GREM1: variants seen among roughly 807,000 people sequenced by gnomAD.
GREM1 encodes the protein gremlin-1.
GREM1 carries 6 observed loss-of-function variants against 13.1 expected under a neutral mutation model. That is an observed-to-expected ratio of 0.46 (90% CI 0.25 to 0.91). The LOEUF is 0.91. Among genes scored for constraint, GREM1 ranks in the 40% least tolerant of loss-of-function variants. The pLI, the probability that GREM1 is intolerant of heterozygous loss-of-function variation, is 0.18. For missense variants in GREM1, 185 were observed against 233.9 expected (o/e 0.79, Z 1.36); for synonymous variants, 98 against 93.7 (o/e 1.05, Z -0.27).
chr15:32,731,271 T>C lies in GREM1; in HGVS notation c.*26T>C, dbSNP rs751395218. ...GCCAAATCCAGGTGCACCCAGCATG[T>C]CCTAGGAATGCAGCCCCAGGAAGTC... On this transcript the variant is annotated 3_prime_UTR_variant, in exon 2 of 2. Coordinates refer to ENST00000651154, the MANE Select transcript of GREM1 (RefSeq NM_013372.7). 1.3e-6 allele frequency: 2 copies of C among 1,577,340 alleles called. No homozygotes were observed. The highest frequency in any genetic ancestry group is 1.7e-5 in the Admixed American group (1 of 58,928).
intron 1 of GREM1, among the ~76,000 whole-genome samples, chr15:32,727,483 A>G (rs1454055270): frequency 2.6e-5 from 4 of 152,232 alleles, no homozygotes. Flanking sequence ...CTAGGTATTG[A>G]TGAAACATAT....
chr15:32,730,008 G>A (rs1008344339), intron 1 of GREM1, among the ~76,000 whole-genome samples: 1 of 152,172 alleles, frequency 6.6e-6, no homozygotes, highest in African/African-American at 2.4e-5. Flanking sequence ...CATTGACATC[G>A]AGTTGGATCT....
chr15:32,730,486 A>T (rs1436602150), intron 1 of GREM1, among the ~76,000 whole-genome samples: 1 of 152,056 alleles, frequency 6.6e-6, no homozygotes, highest in Non-Finnish European at 1.5e-5. Context: ...TCACTGTGGG[A>T]CTCTGGGTGA....
chr15:32,720,140 CT>C (rs1313240364), intron 1 of GREM1, among the ~76,000 whole-genome samples: 1 of 151,922 alleles, frequency 6.6e-6, no homozygotes, highest in Non-Finnish European at 1.5e-5. Flanking sequence ...GAATTAGAGT[CT>C]TTTGTAAACT....
rs1488173583 is a variant in GREM1, at chr15:32,718,027, G to C, written c.-136G>C. 2.7e-6 allele frequency: 3 copies of C among 1,096,508 alleles called. No individual in the cohort carries two copies. Among genetic ancestry groups the C allele is most frequent in the African/African-American group, 1.6e-5 (1 of 60,694 alleles). The allele number at this position is 1,096,508 out of a possible 1,614,324, so 67.9% of individuals were successfully genotyped here. On this transcript the variant is annotated 5_prime_UTR_variant, in exon 1 of 2. Transcript: ENST00000651154. ...GCACTCGGTGCGCCTTCCGCGGACCGGGCGACCCAGTGCACGGCCGCCGCG... is the reference window on the plus strand; with the variant it reads ...GCACTCGGTGCGCCTTCCGCGGACCCGGCGACCCAGTGCACGGCCGCCGCG...
rs2055774810 is a variant in GREM1 at position 32,742,993 on chromosome 15, T to C, written c.*11748T>C. 6.6e-6 allele frequency: 1 copy of C among 151,970 alleles called. No homozygotes were observed. Among genetic ancestry groups the C allele is most frequent in the South Asian group, 2.1e-4 (1 of 4,826 alleles). The allele number at this position is 151,970 out of a possible 1,614,324, so 9.4% of individuals were successfully genotyped here. A position where few individuals can be genotyped will look rare whatever the true frequency, so the allele number is the denominator to read the frequency against. On this transcript the variant is annotated 3_prime_UTR_variant, in exon 2 of 2. Transcript: ENST00000651154. Reference sequence around the variant, plus strand: ...TACATAACAACAAAAGCACAGGTAATAAAAACAAAAATAGACAAATGGGAC... The same window carrying C: ...TACATAACAACAAAAGCACAGGTAACAAAAACAAAAATAGACAAATGGGAC...
chr15:32,733,685 A>ATTTTTATATGAGTCAC lies in GREM1; in HGVS notation c.*2444_*2445insTATATGAGTCACTTTT, dbSNP rs1477775919. On this transcript the variant is annotated 3_prime_UTR_variant, in exon 2 of 2. Coordinates refer to ENST00000651154, the MANE Select transcript of GREM1 (RefSeq NM_013372.7). ...ATTGAAAATGCCATATCTATACCAT[A>ATTTTTATATGAGTCAC]TTTTATTCGAGTCACTGATGATGTA... 1 of 226,544 alleles carries ATTTTTATATGAGTCAC rather than the reference A, an allele frequency of 4.4e-6. No individual in the cohort carries two copies. 14.0% of individuals were successfully genotyped at this position (226,544 alleles called of 1,614,324 possible). A position where few individuals can be genotyped will look rare whatever the true frequency, so the allele number is the denominator to read the frequency against.
In GREM1 at chr15:32,736,129, T is replaced by C. The variant is rs1268278835; in HGVS notation, c.*4884T>C. 1.3e-5 allele frequency: 2 copies of C among 152,166 alleles called. No individual in the cohort carries two copies. The highest frequency in any genetic ancestry group is 2.9e-5 in the Non-Finnish European group (2 of 68,024). 9.4% of individuals were successfully genotyped at this position (152,166 alleles called of 1,614,324 possible). A position where few individuals can be genotyped will look rare whatever the true frequency, so the allele number is the denominator to read the frequency against. On this transcript the variant is annotated 3_prime_UTR_variant, in exon 2 of 2. Coordinates refer to ENST00000651154, the MANE Select transcript of GREM1 (RefSeq NM_013372.7). Reference sequence around the variant, plus strand: ...TGGAGTTCTTTCAAAGTCCCATTCCTAGACAATTGTCACTATTTGACCTGT... The same window carrying C: ...TGGAGTTCTTTCAAAGTCCCATTCCCAGACAATTGTCACTATTTGACCTGT...
At position 32,733,617 on chromosome 15, in the gene GREM1, C is replaced by G. The variant is rs992799596; in HGVS notation, c.*2372C>G. 21 of 228,796 alleles carry G rather than the reference C, an allele frequency of 9.2e-5. No homozygotes were observed. Among genetic ancestry groups the G allele is most frequent in the African/African-American group, 4.5e-4 (20 of 44,328 alleles). 14.2% of individuals were successfully genotyped at this position (228,796 alleles called of 1,614,324 possible). On this transcript the variant is annotated 3_prime_UTR_variant, in exon 2 of 2. Coordinates refer to ENST00000651154, the MANE Select transcript of GREM1 (RefSeq NM_013372.7). Reference sequence around the variant, plus strand: ...GAAATATCTGTTCTTCTTACTGTGCCTATATTAAGACTAGTACAAATGTGG... The same window carrying G: ...GAAATATCTGTTCTTCTTACTGTGCGTATATTAAGACTAGTACAAATGTGG...
Position 32,744,643 on chromosome 15 carries a change from C to T in GREM1, c.*13398C>T, listed in dbSNP as rs994611401. ...CTTTTAATCTAGTGAATTCATAAAT[C>T]GTCACTTAACTCAAGCAAAACAATG... is the stretch of plus-strand genomic sequence containing the variant. On this transcript the variant is annotated 3_prime_UTR_variant, in exon 2 of 2. Transcript: ENST00000651154. The T allele has an allele frequency of 1.3e-5, 2 of 150,702 alleles. No homozygotes were observed. Among genetic ancestry groups the T allele is most frequent in the South Asian group, 2.1e-4 (1 of 4,722 alleles). The allele number at this position is 150,702 out of a possible 1,614,324, so 9.3% of individuals were successfully genotyped here.
intron 1 of GREM1, chr15:32,718,547 G>A (rs778431433): frequency 3.1e-5 from 14 of 444,776 alleles, no homozygotes; most frequent in South Asian, 2.2e-4. Flanking sequence ...ATCCGGACCT[G>A]CTAGTCGGCC....
chr15:32,735,055 A>ACCTTT lies in GREM1; in HGVS notation c.*3810_*3811insCCTTT, dbSNP rs2055680173. ...GTAGAAGGAAAAGCTTCCTAGTGGT[A>ACCTTT]AGAGTGATTGGCAATACCATGAGGT... is the stretch of plus-strand genomic sequence containing the variant. On this transcript the variant is annotated 3_prime_UTR_variant, in exon 2 of 2. Coordinates refer to ENST00000651154, the MANE Select transcript of GREM1 (RefSeq NM_013372.7). The ACCTTT allele has an allele frequency of 1.3e-5, 2 of 152,346 alleles. No homozygotes were observed. The highest frequency in any genetic ancestry group is 1.3e-4 in the Admixed American group (2 of 15,302). 9.4% of individuals were successfully genotyped at this position (152,346 alleles called of 1,614,324 possible).
Position 32,734,005 on chromosome 15 carries a change from T to G in GREM1, c.*2760T>G, listed in dbSNP as rs1188965576. ...ATGGTTATTTAATGTAATTATTACT[T>G]CAAATCCTTTGGTCACTGTGATTTC... On this transcript the variant is annotated 3_prime_UTR_variant, in exon 2 of 2. Coordinates refer to ENST00000651154, the MANE Select transcript of GREM1 (RefSeq NM_013372.7). 1 of 241,852 alleles carries G rather than the reference T, an allele frequency of 4.1e-6. No individual in the cohort carries two copies. Among genetic ancestry groups the G allele is most frequent in the East Asian group, 6.4e-5 (1 of 15,638 alleles). The allele number at this position is 241,852 out of a possible 1,614,324, so 15.0% of individuals were successfully genotyped here. A position where few individuals can be genotyped will look rare whatever the true frequency, so the allele number is the denominator to read the frequency against.
At position 32,742,910 on chromosome 15, in the gene GREM1, T is replaced by C. The variant is rs1481295132; in HGVS notation, c.*11665T>C. 1 of 152,210 alleles carries C rather than the reference T, an allele frequency of 6.6e-6. No homozygotes were observed. The highest frequency in any genetic ancestry group is 1.5e-5 in the Non-Finnish European group (1 of 68,034). 9.4% of individuals were successfully genotyped at this position (152,210 alleles called of 1,614,324 possible). A position where few individuals can be genotyped will look rare whatever the true frequency, so the allele number is the denominator to read the frequency against. ...AATGTAAGACTTGAAACAGTAAAAC[T>C]CCTAGAAGTAAACAGAAGAGAAAGT... On this transcript the variant is annotated 3_prime_UTR_variant, in exon 2 of 2. Coordinates refer to ENST00000651154, the MANE Select transcript of GREM1 (RefSeq NM_013372.7).
chr15:32,728,965 A>G (rs1210482227), intron 1 of GREM1, among the ~76,000 whole-genome samples: 1 of 152,042 alleles, frequency 6.6e-6, no homozygotes. Flanking sequence ...CTGAATCATA[A>G]TCTGCATCTT....
At chr15:32,724,714 G>C (rs1294839152) in intron 1 of GREM1, among the ~76,000 whole-genome samples, 1 of 151,438 alleles carries the variant, frequency 6.6e-6, no homozygotes, top group Non-Finnish European at 1.5e-5. Context: ...AGGTATACAC[G>C]TGCCATGGTG....
At chr15:32,726,886 G>T (rs569010646) in intron 1 of GREM1, among the ~76,000 whole-genome samples, 1 of 152,164 alleles carries the variant, frequency 6.6e-6, no homozygotes, top group South Asian at 2.1e-4. Context: ...ACACCTCTAC[G>T]CAAATAAACT....
intron 1 of GREM1, chr15:32,718,912 C>G (rs1408177713): frequency 1.6e-5 from 3 of 189,594 alleles, no homozygotes; most frequent in African/African-American, 7.2e-5. Context: ...TCTTCCCCGC[C>G]CCGCGCACGC....
intron 1 of GREM1, among the ~76,000 whole-genome samples, chr15:32,724,349 G>T (rs1269468366): frequency 6.6e-6 from 1 of 152,228 alleles, no homozygotes; most frequent in African/African-American, 2.4e-5. Context: ...TCTAGGAGGG[G>T]TGAATTTGTC....
Sources: allele counts gnomAD v4.1 joint callset (sites outside exome capture counted in the v4.1 genomes callset), GRCh38; gene constraint gnomAD v4.1.1; transcripts MANE v1.5; gene names NCBI Gene and HGNC (gene_info 2026-07-23, HGNC 2026-07-21).